PTPRG: variants seen among roughly 807,000 people sequenced by gnomAD.
The protein encoded by PTPRG is receptor-type tyrosine-protein phosphatase gamma.
Under a neutral mutation model 165.3 loss-of-function variants are expected in PTPRG, and 102 were observed. The observed-to-expected ratio is 0.62, with a 90% confidence interval of 0.53 to 0.73. The LOEUF (loss-of-function observed/expected upper bound fraction) is 0.73. Ranked by LOEUF, PTPRG falls within the 30% of genes least tolerant of loss-of-function variation. The probability of loss-of-function intolerance (pLI) is 0.00; values close to 1 mark genes in which losing one functional copy is unlikely to be tolerated. For missense variants in PTPRG, 1,866 were observed against 1,861.4 expected (o/e 1.00, Z -0.05); for synonymous variants, 675 against 669.5 (o/e 1.01, Z -0.13).
intron 5 of PTPRG, chr3:62,118,344 C>G (rs548503800): frequency 6.6e-6 from 1 of 152,176 alleles, no homozygotes; most frequent in East Asian, 1.9e-4. Flanking sequence ...CAGATGCAGT[C>G]TGTGGGTGGG....
At chr3:61,796,232 A>C (rs1178430004) in intron 2 of PTPRG, among the ~76,000 whole-genome samples, 1 of 152,226 alleles carries the variant, frequency 6.6e-6, no homozygotes, top group Non-Finnish European at 1.5e-5. Context: ...AGGTGGTGTT[A>C]ATCCATTAGT....
chr3:61,720,095 G>T (rs1042994798), intron 1 of PTPRG, among the ~76,000 whole-genome samples: 1 of 151,980 alleles, frequency 6.6e-6, no homozygotes, highest in Non-Finnish European at 1.5e-5. Context: ...TCCTGCTTAG[G>T]GGGTAAACAC....
intron 2 of PTPRG, among the ~76,000 whole-genome samples, chr3:61,763,513 C>G (rs1195034561): frequency 7.0e-6 from 1 of 142,668 alleles, no homozygotes. Context: ...TTACAGACTC[C>G]TGCTACCACG....
chr3:61,823,864 C>G (rs143253399), intron 2 of PTPRG, among the ~76,000 whole-genome samples: 2 of 152,092 alleles, frequency 1.3e-5, no homozygotes, highest in Admixed American at 6.6e-5. Context: ...CAGTGGCTCA[C>G]GCCTGTAATC....
chr3:61,821,722 A>G (rs918665700), intron 2 of PTPRG, among the ~76,000 whole-genome samples: 2 of 152,190 alleles, frequency 1.3e-5, no homozygotes, highest in South Asian at 4.1e-4. Flanking sequence ...TCGTGAGGTG[A>G]GTGTATGAAT....
chr3:62,070,728 A>G (rs561398846), intron 4 of PTPRG, among the ~76,000 whole-genome samples: 50 of 152,280 alleles, frequency 3.3e-4, no homozygotes, highest in African/African-American at 1.2e-3. Flanking sequence ...TACGCATGTC[A>G]TCAAAAAAGC....
intron 2 of PTPRG, among the ~76,000 whole-genome samples, chr3:61,810,361 C>G (rs2035538043): frequency 6.6e-6 from 1 of 152,080 alleles, no homozygotes; most frequent in African/African-American, 2.4e-5. Context: ...ATCAGTGAAT[C>G]ATTGATTTGG....
At chr3:61,970,873 C>G (rs1333284463) in intron 2 of PTPRG, among the ~76,000 whole-genome samples, 2 of 152,132 alleles carry the variant, frequency 1.3e-5, no homozygotes, top group Admixed American at 1.3e-4. Flanking sequence ...CATCTAAAAT[C>G]CTGAGTTTAT....
chr3:61,826,212 G>T (rs1027432857), intron 2 of PTPRG, among the ~76,000 whole-genome samples: 2 of 152,124 alleles, frequency 1.3e-5, no homozygotes, highest in Admixed American at 1.3e-4. Context: ...GTGGAAATTT[G>T]ATCTGTATCT....
intron 1 of PTPRG, among the ~76,000 whole-genome samples, chr3:61,672,611 C>A (rs528624209): frequency 2.0e-5 from 3 of 150,926 alleles, no homozygotes; most frequent in Admixed American, 2.0e-4. Context: ...TGCAGGCACT[C>A]GGCAGGCTGA....
chr3:62,073,586 C>G (rs1701280390), intron 4 of PTPRG, among the ~76,000 whole-genome samples: 1 of 152,018 alleles, frequency 6.6e-6, no homozygotes, highest in African/African-American at 2.4e-5. Flanking sequence ...TCAAGTGATT[C>G]TCCTGCCTCA....
intron 2 of PTPRG, among the ~76,000 whole-genome samples, chr3:61,852,752 C>CT (rs1180244813): frequency 2.0e-5 from 3 of 152,076 alleles, no homozygotes; most frequent in African/African-American, 2.4e-5. Flanking sequence ...AGATCCTGAG[C>CT]TTTGAGGGCC....
At chr3:61,672,764 A>AGAGAGG (rs1703071874) in intron 1 of PTPRG, among the ~76,000 whole-genome samples, 4 of 119,138 alleles carry the variant, frequency 3.4e-5, no homozygotes, top group African/African-American at 1.5e-4. Context: ...GAGAGGGAGA[A>AGAGAGG]GAGGGAGAGG....
At chr3:61,645,943 A>G (rs754143389) in intron 1 of PTPRG, among the ~76,000 whole-genome samples, 12 of 152,158 alleles carry the variant, frequency 7.9e-5, no homozygotes, top group Non-Finnish European at 1.6e-4. Context: ...CCTTGCCACT[A>G]GGGTATTCAT....
At chr3:62,278,290 T>TC (rs374225901) in intron 26 of PTPRG, among the ~76,000 whole-genome samples, 6,836 of 152,028 alleles carry the variant, frequency 0.045, 528 homozygotes, top group African/African-American at 0.15. Context: ...AATTTTTTTT[T>TC]CCCACTCCAT....
chr3:62,236,393 C>G (rs1701035264), intron 14 of PTPRG, among the ~76,000 whole-genome samples: 1 of 152,198 alleles, frequency 6.6e-6, no homozygotes. Flanking sequence ...TTTCAACTTT[C>G]TATTTGTAAG....
intron 14 of PTPRG, among the ~76,000 whole-genome samples, chr3:62,234,412 T>G (rs1317617767): frequency 6.6e-6 from 1 of 152,182 alleles, no homozygotes; most frequent in Non-Finnish European, 1.5e-5. Context: ...CAAGTTGCCC[T>G]CCATAATGGG....
intron 2 of PTPRG, among the ~76,000 whole-genome samples, chr3:61,933,462 C>T (rs2039410634): frequency 2.0e-5 from 3 of 152,172 alleles, no homozygotes; most frequent in Non-Finnish European, 4.4e-5. Context: ...GTTCACAGCT[C>T]AGGGGGTAAA....
chr3:62,111,580 G>A (rs1046021662), intron 5 of PTPRG, among the ~76,000 whole-genome samples: 1 of 152,116 alleles, frequency 6.6e-6, no homozygotes, highest in Non-Finnish European at 1.5e-5. Flanking sequence ...CCTCCAAGTA[G>A]CTGAGACTAC....
Sources: allele counts gnomAD v4.1 joint callset (sites outside exome capture counted in the v4.1 genomes callset), GRCh38; gene constraint gnomAD v4.1.1; transcripts MANE v1.5; gene names NCBI Gene and HGNC (gene_info 2026-07-23, HGNC 2026-07-21).